Variants in FOCAD observed in about 807,000 individuals in gnomAD.
FOCAD encodes focadhesin, also known as KIAA1797.
In FOCAD, 198 loss-of-function variants were observed where a neutral mutation model predicts 225.6. The ratio of observed to expected loss-of-function variants is 0.88; its 90% CI spans 0.78 to 0.99. The LOEUF (loss-of-function observed/expected upper bound fraction) is 0.99, where lower values mean the gene tolerates loss of function less well. Ranked by LOEUF, FOCAD falls within the 50% of genes least tolerant of loss-of-function variation. The pLI is 0.00. For synonymous variants in FOCAD, 897 were observed against 755.0 expected, an observed-to-expected ratio of 1.19 and a Z score of -3.08; for missense variants, 2,713 against 2,123.6, an observed-to-expected ratio of 1.28 and a Z score of -5.46.
In FOCAD at chr9:20,715,337, A is replaced by G. The variant is rs763589197; in HGVS notation, c.-17A>G. On this transcript the variant is annotated 5_prime_UTR_variant, in exon 2 of 44. The change abolishes an upstream ATG in the 5' untranslated region. Transcript: ENST00000338382. ...TTGGTTACAGAAGCTGCACACATACATGTAAGAGAAGCAAAAATGTCAGAT... is the reference window on the plus strand; with the variant it reads ...TTGGTTACAGAAGCTGCACACATACGTGTAAGAGAAGCAAAAATGTCAGAT... 1.6e-5 allele frequency: 24 copies of G among 1,509,028 alleles called. No homozygotes were observed. Among genetic ancestry groups the G allele is most frequent in the Non-Finnish European group, 8.0e-6 (9 of 1,119,624 alleles). The allele number at this position is 1,509,028 out of a possible 1,614,324, so 93.5% of individuals were successfully genotyped here.
intron 33 of FOCAD, among the ~76,000 whole-genome samples, chr9:20,950,514 A>G (rs1467532786): frequency 6.6e-6 from 1 of 152,314 alleles, no homozygotes; most frequent in Admixed American, 6.5e-5. Flanking sequence ...AAGTTACCAT[A>G]ATGTGGGAGA....
chr9:20,897,835 C>T (rs1832225873), intron 21 of FOCAD, among the ~76,000 whole-genome samples: 1 of 151,682 alleles, frequency 6.6e-6, no homozygotes, highest in African/African-American at 2.4e-5. Context: ...TCCTCTGATG[C>T]CTTCCTTTCT....
chr9:20,679,040 T>C (rs1282176993), intron 2 of FOCAD, among the ~76,000 whole-genome samples: 1 of 151,890 alleles, frequency 6.6e-6, no homozygotes, highest in Non-Finnish European at 1.5e-5. Context: ...TGCCAAGATC[T>C]TGCAGCAGCC....
chr9:20,891,394 G>A lies in FOCAD; in HGVS notation c.2625+6164G>A, dbSNP rs187839923. ...GGCATATTGAAAGCTGAGATAGGCT[G>A]AAAGCTAGGCTTCTTGCACCAAACA... is the stretch of plus-strand genomic sequence containing the variant. On this transcript the variant is annotated intron_variant, in intron 21 of 43. Coordinates refer to ENST00000338382, the MANE Select transcript of FOCAD (RefSeq NM_001375567.1). Among the ~76,000 whole-genome samples the A allele has an allele frequency of 1.0e-3, 154 of 152,308 alleles. 1 individual carries two copies. The highest frequency in any genetic ancestry group is 3.4e-4 in the Non-Finnish European group (23 of 68,030).
intron 5 of FOCAD, among the ~76,000 whole-genome samples, chr9:20,751,551 C>T (rs1178142784): frequency 9.7e-6 from 1 of 103,592 alleles, no homozygotes; most frequent in Non-Finnish European, 2.2e-5. Flanking sequence ...TTAATCCAGT[C>T]TATCATTGTT....
At chr9:20,991,382 A>G (rs1841657261) in intron 42 of FOCAD, among the ~76,000 whole-genome samples, 4 of 152,294 alleles carry the variant, frequency 2.6e-5, no homozygotes, top group African/African-American at 9.6e-5. Context: ...ATCTTTAAAA[A>G]CATTTCTGAA....
At chr9:20,826,165 C>T (rs1277452171) in intron 15 of FOCAD, among the ~76,000 whole-genome samples, 3 of 152,070 alleles carry the variant, frequency 2.0e-5, no homozygotes, top group Non-Finnish European at 4.4e-5. Flanking sequence ...GGGTGCATCT[C>T]TGAGGGTTTT....
At chr9:20,782,274 A>C (rs971930927) in intron 10 of FOCAD, among the ~76,000 whole-genome samples, 1 of 152,244 alleles carries the variant, frequency 6.6e-6, no homozygotes, top group Non-Finnish European at 1.5e-5. Context: ...AGTTAAGTAC[A>C]GCATATTGCT....
At chr9:20,973,348 C>G (rs1839935800) in intron 35 of FOCAD, among the ~76,000 whole-genome samples, 1 of 151,550 alleles carries the variant, frequency 6.6e-6, no homozygotes, top group African/African-American at 2.4e-5. Context: ...GATGTGGGCT[C>G]TGCTTCTCCT....
intron 2 of FOCAD, among the ~76,000 whole-genome samples, chr9:20,670,731 T>C (rs1156369371): frequency 8.6e-5 from 13 of 151,740 alleles, no homozygotes; most frequent in Admixed American, 8.5e-4. Flanking sequence ...TATTTTATAA[T>C]AAGGAACCGG....
intron 1 of FOCAD, among the ~76,000 whole-genome samples, chr9:20,688,388 A>G (rs139286049): frequency 0.014 from 2,128 of 152,250 alleles, 27 homozygotes; most frequent in Non-Finnish European, 0.021. Context: ...GATACCTCCT[A>G]GGTTTATGAC....
At chr9:20,916,253 T>A (rs1833854819) in intron 23 of FOCAD, among the ~76,000 whole-genome samples, 2 of 152,194 alleles carry the variant, frequency 1.3e-5, no homozygotes, top group Non-Finnish European at 2.9e-5. Context: ...TACTTCATAT[T>A]GAAAATTCTA....
At chr9:20,850,098 T>C (rs1827500801) in intron 15 of FOCAD, among the ~76,000 whole-genome samples, 1 of 151,760 alleles carries the variant, frequency 6.6e-6, no homozygotes, top group Non-Finnish European at 1.5e-5. Context: ...ATCATAACAA[T>C]GATGCAACTC....
At chr9:20,829,941 T>C (rs1825318618) in intron 15 of FOCAD, among the ~76,000 whole-genome samples, 1 of 152,110 alleles carries the variant, frequency 6.6e-6, no homozygotes, top group African/African-American at 2.4e-5. Flanking sequence ...TATTATCTCA[T>C]TTAATTCTTA....
chr9:20,922,344 G>T (rs867238158), intron 24 of FOCAD, among the ~76,000 whole-genome samples: 1 of 152,194 alleles, frequency 6.6e-6, no homozygotes, highest in East Asian at 1.9e-4. Flanking sequence ...ATTGAGGTGG[G>T]GGGGTGGTGG....
chr9:20,712,526 G>A (rs1289662342), intron 1 of FOCAD, among the ~76,000 whole-genome samples: 1 of 151,580 alleles, frequency 6.6e-6, no homozygotes, highest in African/African-American at 2.4e-5. Context: ...GAGCCCAGTG[G>A]TGGTGGGTGC....
intron 5 of FOCAD, among the ~76,000 whole-genome samples, chr9:20,742,464 C>T (rs1397234681): frequency 6.6e-6 from 1 of 152,226 alleles, no homozygotes; most frequent in Admixed American, 6.5e-5. Flanking sequence ...CCCTACCACA[C>T]TGTTGAGTAG....
intron 36 of FOCAD, among the ~76,000 whole-genome samples, chr9:20,977,169 C>T (rs1234138034): frequency 6.6e-6 from 1 of 152,298 alleles, no homozygotes; most frequent in East Asian, 1.9e-4. Context: ...TCTTCTCACA[C>T]CATCATCTTT....
chr9:20,961,385 T>G (rs1838714408), intron 35 of FOCAD, among the ~76,000 whole-genome samples: 2 of 152,210 alleles, frequency 1.3e-5, no homozygotes, highest in Non-Finnish European at 2.9e-5. Context: ...CCTCATTCTT[T>G]GACTGCTTCC....
Sources: allele counts gnomAD v4.1 joint callset (sites outside exome capture counted in the v4.1 genomes callset), GRCh38; gene constraint gnomAD v4.1.1; transcripts MANE v1.5; gene names NCBI Gene and HGNC (gene_info 2026-07-23, HGNC 2026-07-21).